Variants in ATG5 observed in about 807,000 individuals in gnomAD.
The protein encoded by ATG5 is autophagy protein 5.
In ATG5, 14 loss-of-function variants were observed where a neutral mutation model predicts 36.5. The observed-to-expected ratio is 0.38, with a 90% CI of 0.25 to 0.60. The LOEUF is 0.60. Ranked by LOEUF, ATG5 falls within the 20% of genes least tolerant of loss-of-function variation. The pLI, the probability that ATG5 is intolerant of heterozygous loss-of-function variation, is 0.60. For synonymous variants in ATG5, 95 were observed against 101.5 expected (o/e 0.94, Z 0.38); for missense variants, 195 against 326.7 (o/e 0.60, Z 3.11).
intron 5 of ATG5, among the ~76,000 whole-genome samples, chr6:106,265,819 C>T (rs1307093097): frequency 6.6e-6 from 1 of 152,102 alleles, no homozygotes; most frequent in East Asian, 1.9e-4. Context: ...AGACAACGTA[C>T]CAGAATCTCT....
At chr6:106,292,665 T>C (rs1461986888) in intron 4 of ATG5, among the ~76,000 whole-genome samples, 1 of 152,194 alleles carries the variant, frequency 6.6e-6, no homozygotes, top group African/African-American at 2.4e-5. Context: ...TTATTTTTTA[T>C]AGAGGCAGGG....
intron 6 of ATG5, among the ~76,000 whole-genome samples, chr6:106,208,046 C>T (rs531176807): frequency 4.6e-5 from 7 of 152,082 alleles, no homozygotes; most frequent in African/African-American, 1.7e-4. Context: ...GAGCCGAAAT[C>T]GCGCCACTGC....
chr6:106,291,996 C>T (rs546169633), intron 4 of ATG5, among the ~76,000 whole-genome samples: 53 of 152,260 alleles, frequency 3.5e-4, no homozygotes, highest in African/African-American at 1.1e-3. Context: ...GAATGAGCAA[C>T]CTTTGGGCAG....
intron 3 of ATG5, among the ~76,000 whole-genome samples, chr6:106,307,535 C>CTTTTT (rs34511184): frequency 3.8e-5 from 4 of 105,144 alleles, no homozygotes; most frequent in Non-Finnish European, 7.6e-5. Flanking sequence ...TTTCAATACC[C>CTTTTT]TTTTTTTTTT....
At chr6:106,187,934 A>C (rs1284205323) in intron 7 of ATG5, among the ~76,000 whole-genome samples, 1 of 152,224 alleles carries the variant, frequency 6.6e-6, no homozygotes, top group Non-Finnish European at 1.5e-5. Flanking sequence ...AAGATAACCA[A>C]ATAAAACATT....
At chr6:106,245,626 GTCTC>G (rs1291905546) in intron 6 of ATG5, among the ~76,000 whole-genome samples, 4 of 151,938 alleles carry the variant, frequency 2.6e-5, no homozygotes, top group African/African-American at 7.3e-5. Flanking sequence ...TCAGTACTCT[GTCTC>G]TCTCTCTCCG....
intron 5 of ATG5, among the ~76,000 whole-genome samples, chr6:106,267,027 AG>A (rs1430588539): frequency 6.6e-6 from 1 of 152,146 alleles, no homozygotes; most frequent in African/African-American, 2.4e-5. Context: ...GAAAAAATAA[AG>A]GGTATTCAAA....
At chr6:106,320,142 A>T (rs778467103) in intron 1 of ATG5, among the ~76,000 whole-genome samples, 127 of 152,390 alleles carry the variant, frequency 8.3e-4, no homozygotes, top group Non-Finnish European at 1.3e-3. Context: ...TAGAAGCCAC[A>T]TCCTAACTCA....
intron 5 of ATG5, among the ~76,000 whole-genome samples, chr6:106,276,247 G>A (rs908282255): frequency 6.6e-6 from 1 of 152,014 alleles, no homozygotes; most frequent in Admixed American, 6.5e-5. Context: ...GGTGGATCAC[G>A]AGGTCAGGAG....
intron 6 of ATG5, chr6:106,202,336 A>T: frequency 2.8e-6 from 1 of 351,574 alleles, no homozygotes; most frequent in South Asian, 5.4e-5. Flanking sequence ...ATTGGCTGGG[A>T]CCCTTCAAAA....
intron 3 of ATG5, among the ~76,000 whole-genome samples, chr6:106,294,720 G>A (rs1562260889): frequency 9.3e-5 from 14 of 151,328 alleles, no homozygotes. Context: ...GCACACACCT[G>A]CAGCCCTAGC....
chr6:106,188,027 T>C (rs1775837694), intron 7 of ATG5, among the ~76,000 whole-genome samples: 1 of 152,210 alleles, frequency 6.6e-6, no homozygotes, highest in Non-Finnish European at 1.5e-5. Context: ...CCTAAAAAAA[T>C]GCTTTATTTT....
intron 6 of ATG5, among the ~76,000 whole-genome samples, chr6:106,246,388 T>TCACA (rs1309723567): frequency 4.2e-5 from 4 of 95,556 alleles, no homozygotes; most frequent in African/African-American, 1.4e-4. Context: ...TCTCTCTCTC[T>TCACA]CTCTCACACA....
intron 5 of ATG5, among the ~76,000 whole-genome samples, chr6:106,269,532 G>C (rs1474063951): frequency 6.6e-6 from 1 of 152,238 alleles, no homozygotes; most frequent in Non-Finnish European, 1.5e-5. Flanking sequence ...GCGGGCTGCA[G>C]GTCCCGAGCC....
At chr6:106,269,233 G>C (rs1484322251) in intron 5 of ATG5, among the ~76,000 whole-genome samples, 1 of 152,086 alleles carries the variant, frequency 6.6e-6, no homozygotes. Flanking sequence ...CTAGACACAG[G>C]GTGCTGATTG....
chr6:106,304,027 T>C (rs1421826574), intron 3 of ATG5: 3 of 150,032 alleles, frequency 2.0e-5, no homozygotes, highest in Admixed American at 2.0e-4. Context: ...GGAAAAATTA[T>C]ATAATTTCTA....
At chr6:106,269,565 A>T (rs896072999) in intron 5 of ATG5, among the ~76,000 whole-genome samples, 5 of 152,252 alleles carry the variant, frequency 3.3e-5, no homozygotes, top group Non-Finnish European at 1.5e-5. Context: ...AAGGCAGCTA[A>T]GGCCAGGTGA....
intron 6 of ATG5, among the ~76,000 whole-genome samples, chr6:106,241,787 T>C (rs1401671960): frequency 6.6e-6 from 1 of 152,172 alleles, no homozygotes; most frequent in Non-Finnish European, 1.5e-5. Context: ...ACTGCAACTC[T>C]TCCTTGAGTC....
At chr6:106,263,709 C>T (rs534868554) in intron 5 of ATG5, among the ~76,000 whole-genome samples, 6 of 152,174 alleles carry the variant, frequency 3.9e-5, no homozygotes, top group African/African-American at 7.2e-5. Context: ...GATACCCAGG[C>T]GAACAGGGTC....
Sources: allele counts gnomAD v4.1 joint callset (sites outside exome capture counted in the v4.1 genomes callset), GRCh38; gene constraint gnomAD v4.1.1; transcripts MANE v1.5; gene names NCBI Gene and HGNC (gene_info 2026-07-23, HGNC 2026-07-21).